Variants in MGAT4A observed in about 807,000 individuals in gnomAD.
MGAT4A encodes alpha-1,3-mannosyl-glycoprotein 4-beta-N-acetylglucosaminyltransferase A, also known as N-acetylglucosaminyltransferase IVa.
In MGAT4A, 33 loss-of-function variants were observed where a neutral mutation model predicts 74.1. The observed-to-expected ratio is 0.45, with a 90% CI of 0.34 to 0.60. MGAT4A has a LOEUF of 0.60. Ranked by LOEUF, MGAT4A falls within the 20% of genes least tolerant of loss-of-function variation. The probability of loss-of-function intolerance (pLI) is 0.02; values close to 1 mark genes in which losing one functional copy is unlikely to be tolerated. For missense variants in MGAT4A, 479 were observed against 628.3 expected (o/e 0.76, Z 2.54); for synonymous variants, 198 against 210.4 (o/e 0.94, Z 0.51).
chr2:98,713,037 C>T (rs1389314754), intron 2 of MGAT4A, among the ~76,000 whole-genome samples: 1 of 151,776 alleles, frequency 6.6e-6, no homozygotes, highest in Non-Finnish European at 1.5e-5. Context: ...GGTGTGATGG[C>T]ACACACCTGT....
intron 2 of MGAT4A, among the ~76,000 whole-genome samples, chr2:98,685,876 G>A (rs549288066): frequency 4.6e-5 from 7 of 152,276 alleles, no homozygotes; most frequent in African/African-American, 1.7e-4. Flanking sequence ...TCCATGAGCG[G>A]AGAAGCCCAG....
intron 2 of MGAT4A, among the ~76,000 whole-genome samples, chr2:98,682,624 C>T (rs574978620): frequency 3.3e-4 from 51 of 152,252 alleles, no homozygotes; most frequent in African/African-American, 1.2e-3. Context: ...GCTGACACCA[C>T]CTTCATCAAG....
Position 98,622,902 on chromosome 2 carries a change from C to T in MGAT4A, c.*2664G>A, listed in dbSNP as rs10191018. 4.1e-3 allele frequency: 4,086 copies of T among 986,198 alleles called. 137 individuals are homozygous for T. The African/African-American group carries it at 0.067, about 16-fold the overall frequency. 61.1% of individuals were successfully genotyped at this position (986,198 alleles called of 1,614,324 possible). ...GACATGGTGGCACACACCTATAATCCCAGCACTTTGGGAGGCTGAGGCAGG... is the reference window on the plus strand; with the variant it reads ...GACATGGTGGCACACACCTATAATCTCAGCACTTTGGGAGGCTGAGGCAGG... On this transcript the variant is annotated 3_prime_UTR_variant, in exon 16 of 16. Transcript: ENST00000393487.
In MGAT4A at chr2:98,625,479, G is replaced by A. The variant is rs1044560454; in HGVS notation, c.*87C>T. 3.2e-6 allele frequency: 5 copies of A among 1,573,726 alleles called. No homozygotes were observed. In the Admixed American group the frequency reaches 7.9e-5, roughly 25 times the overall value. The stretch of plus-strand genomic sequence containing the variant: ...TACAGTAGACTTCACAAGAGGTAGT[G>A]TTCAAGTAGAAATAAAAAAAAGATA... On this transcript the variant is annotated 3_prime_UTR_variant, in exon 16 of 16. Transcript: ENST00000393487.
intron 5 of MGAT4A, among the ~76,000 whole-genome samples, chr2:98,659,357 C>A (rs574877333): frequency 1.3e-5 from 2 of 152,250 alleles, no homozygotes; most frequent in South Asian, 4.1e-4. Flanking sequence ...TGTGTCCAGA[C>A]ATCATCCTCC....
intron 2 of MGAT4A, chr2:98,694,049 C>T (rs1702232287): frequency 6.5e-6 from 1 of 153,556 alleles, no homozygotes; most frequent in South Asian, 1.8e-4. Flanking sequence ...TCATCCTCCA[C>T]CCTAGCCCCA....
rs140136180 is a variant in MGAT4A at position 98,709,484 on chromosome 2, G to A, written c.94+16755C>T. Among the ~76,000 whole-genome samples the A allele has an allele frequency of 8.5e-4, 129 of 152,082 alleles. 2 individuals are homozygous for A. In the East Asian group the frequency reaches 0.022, roughly 26 times the overall value. On this transcript the variant is annotated intron_variant, in intron 2 of 15. Transcript: ENST00000393487. ...GCAACAAGATAAATGCATATTATGA[G>A]GCGCAACAAAAATAAGACATTTTAC...
chr2:98,635,667 CAA>C (rs1701307944), intron 13 of MGAT4A, among the ~76,000 whole-genome samples: 1 of 152,002 alleles, frequency 6.6e-6, no homozygotes, highest in South Asian at 2.1e-4. Flanking sequence ...AATTTGGACT[CAA>C]AATACAAACA....
chr2:98,707,613 C>A (rs1267339721), intron 2 of MGAT4A, among the ~76,000 whole-genome samples: 3 of 152,176 alleles, frequency 2.0e-5, no homozygotes, highest in Non-Finnish European at 4.4e-5. Flanking sequence ...AAAAATCATA[C>A]CAGTCTCATG....
At chr2:98,729,519 C>T (rs897881297) in intron 1 of MGAT4A, among the ~76,000 whole-genome samples, 9 of 152,130 alleles carry the variant, frequency 5.9e-5, no homozygotes, top group African/African-American at 2.2e-4. Flanking sequence ...TATAATCTAA[C>T]ACGTTTGAAT....
intron 2 of MGAT4A, among the ~76,000 whole-genome samples, chr2:98,712,212 A>G (rs1161463675): frequency 6.6e-6 from 1 of 152,164 alleles, no homozygotes; most frequent in African/African-American, 2.4e-5. Context: ...TTTCTCCCCC[A>G]TTAAATTCCT....
chr2:98,644,373 T>C (rs1701455372), intron 9 of MGAT4A, among the ~76,000 whole-genome samples: 1 of 152,214 alleles, frequency 6.6e-6, no homozygotes, highest in South Asian at 2.1e-4. Context: ...ATTCTTCCCA[T>C]TTAACATTGA....
chr2:98,680,439 A>G (rs1274789294), intron 2 of MGAT4A, among the ~76,000 whole-genome samples: 1 of 152,232 alleles, frequency 6.6e-6, no homozygotes, highest in Non-Finnish European at 1.5e-5. Flanking sequence ...TGCAGTCTTA[A>G]TAACACTCAA....
chr2:98,720,044 A>C (rs1702644615), intron 2 of MGAT4A, among the ~76,000 whole-genome samples: 2 of 152,244 alleles, frequency 1.3e-5, no homozygotes, highest in African/African-American at 4.8e-5. Flanking sequence ...GGTATGACAA[A>C]GTGGCATCAA....
chr2:98,715,309 C>A (rs1299237239), intron 2 of MGAT4A, among the ~76,000 whole-genome samples: 2 of 112,080 alleles, frequency 1.8e-5, no homozygotes, highest in Non-Finnish European at 1.7e-5. Context: ...CAGAGCTAGA[C>A]TTCATCTCAA....
chr2:98,650,242 A>C (rs1372782136), intron 8 of MGAT4A, among the ~76,000 whole-genome samples: 1 of 152,196 alleles, frequency 6.6e-6, no homozygotes, highest in Non-Finnish European at 1.5e-5. Context: ...GCAAAAAGAA[A>C]AAAGAATAAC....
In MGAT4A at chr2:98,678,582, A is replaced by C. The variant is rs1165664501; in HGVS notation, c.95-111T>G. ...TTAAAGTTGAGTTTTTCAGAAGAAA[A>C]TATTCATTGATACAGAACTGAAAAA... On this transcript the variant is annotated intron_variant, in intron 2 of 15. Coordinates refer to ENST00000393487, the MANE Select transcript of MGAT4A (RefSeq NM_012214.3). 5.1e-6 allele frequency: 3 copies of C among 584,434 alleles called. No homozygotes were observed. The African/African-American group carries it at 5.7e-5, about 11-fold the overall frequency. The allele number at this position is 584,434 out of a possible 1,614,324, so 36.2% of individuals were successfully genotyped here.
Position 98,621,415 on chromosome 2 carries a change from T to C in MGAT4A, c.*4151A>G, listed in dbSNP as rs764394960. 5.0e-5 allele frequency: 77 copies of C among 1,551,404 alleles called. No homozygotes were observed. The highest frequency in any genetic ancestry group is 1.7e-4 in the Middle Eastern group (1 of 5,992). On this transcript the variant is annotated 3_prime_UTR_variant, in exon 16 of 16. Transcript: ENST00000393487. ...TCAAAGCCATGTGCATTCCTTCTCA[T>C]GCAGCCCCCTCTACCTTAAAACAGC...
rs1463661689 is a variant in MGAT4A at position 98,625,149 on chromosome 2, ATATT to A, written c.*413_*416del. 5.1e-6 allele frequency: 4 copies of A among 787,952 alleles called. No individual in the cohort carries two copies. In the Admixed American group the frequency reaches 1.9e-4, roughly 37 times the overall value. The allele number at this position is 787,952 out of a possible 1,614,324, so 48.8% of individuals were successfully genotyped here. On this transcript the variant is annotated 3_prime_UTR_variant, in exon 16 of 16. Transcript: ENST00000393487. ...CCATAACATTTTTATGTATATTTAT[ATATT>A]TATATATATAATCCCTGATAATCTA... is the stretch of plus-strand genomic sequence containing the variant.
Sources: gnomAD v4.1 joint callset for allele counts (sites outside exome capture counted in the v4.1 genomes callset) on GRCh38, gnomAD v4.1.1 for gene constraint, MANE v1.5 for transcripts, NCBI Gene and HGNC (gene_info 2026-07-23, HGNC 2026-07-21) for gene names.